Variants in MTMR1 observed in about 807,000 individuals in gnomAD.
The protein encoded by MTMR1 is myotubularin related protein 1.
MTMR1 carries 17 observed loss-of-function variants against 51.6 expected under a neutral mutation model. That is an observed-to-expected ratio of 0.33 (90% CI 0.23 to 0.49). MTMR1 has a LOEUF of 0.49. MTMR1 is among the 20% of genes least tolerant of loss of function. MTMR1 has a pLI of 0.99. For missense variants in MTMR1, 386 were observed against 526.9 expected, an observed-to-expected ratio of 0.73 and a Z score of 2.62; for synonymous variants, 201 against 205.6, an observed-to-expected ratio of 0.98 and a Z score of 0.19.
chrX:150,751,808 C>T (rs1304794073), intron 14 of MTMR1, among the ~76,000 whole-genome samples: 1 of 110,243 alleles, frequency 9.1e-6, no homozygotes, highest in Non-Finnish European at 1.9e-5. Context: ...GCCAAATACA[C>T]GGGAGCCACC....
rs782760701 is a variant in MTMR1 at position 150,748,200 on chromosome X, T to C, written c.1567-2530T>C. 7.2e-5 allele frequency among the ~76,000 whole-genome samples: 8 copies of C among 111,704 alleles called. No homozygotes were observed. In the South Asian group the frequency reaches 2.6e-3, roughly 37 times the overall value. On this transcript the variant is annotated intron_variant, in intron 13 of 15. Transcript: ENST00000445323. ...GGCCCCACTTCCTCATACTACACCT[T>C]GGGGATTAGAATTTCAACATAGAAA...
chrX:150,716,606 C>T (rs782770619), intron 3 of MTMR1, among the ~76,000 whole-genome samples: 1 of 112,106 alleles, frequency 8.9e-6, no homozygotes, highest in African/African-American at 3.2e-5. Context: ...TTTAACCATG[C>T]ATCTTTGGAT....
chrX:150,742,398 T>A (rs1176406212), intron 12 of MTMR1, among the ~76,000 whole-genome samples: 1 of 111,759 alleles, frequency 8.9e-6, no homozygotes, highest in African/African-American at 3.3e-5. Context: ...GGATATGCAG[T>A]CATCATTGAC....
intron 1 of MTMR1, among the ~76,000 whole-genome samples, chrX:150,696,658 A>G (rs782324067): frequency 9.0e-6 from 1 of 111,268 alleles, no homozygotes; most frequent in African/African-American, 3.3e-5. Context: ...AGATGGCCAC[A>G]GGCACAGTTG....
chrX:150,742,181 G>C (rs2042441599), intron 12 of MTMR1, among the ~76,000 whole-genome samples: 1 of 112,115 alleles, frequency 8.9e-6, no homozygotes, highest in African/African-American at 3.2e-5. Context: ...GGACATCATA[G>C]AATGTACCTT....
chrX:150,761,914 G>C (rs1301089523), intron 15 of MTMR1, among the ~76,000 whole-genome samples: 2 of 112,389 alleles, frequency 1.8e-5, no homozygotes, highest in African/African-American at 6.5e-5. Context: ...CTGCCCCACA[G>C]TTGATGGGTT....
rs782322905 is a variant in MTMR1, at chrX:150,736,625, G to T, written c.1111G>T (p.Ala371Ser). The T allele has an allele frequency of 8.3e-7, 1 of 1,210,207 alleles. No individual in the cohort carries two copies. Among genetic ancestry groups the T allele is most frequent in the African/African-American group, 1.7e-5 (1 of 57,794 alleles). ...GGGTGGAGGATATGAAAGTGAAAGTGCTTACCCAAATGCAGAACTTGTGTT... is the reference window on the plus strand; with the variant it reads ...GGGTGGAGGATATGAAAGTGAAAGTTCTTACCCAAATGCAGAACTTGTGTT... ...TKGGGYESES[A>S]YPNAELVFLE... is the part of the protein sequence containing the mutation. The change falls in exon 11 of 16, where the codon GCT becomes TCT. Residue 371 changes from alanine to serine, a missense_variant. By Grantham distance (99) the Ala-to-Ser change is moderately conservative. Transcript: ENST00000445323.
chrX:150,762,251 G>T (rs782125036), intron 15 of MTMR1, among the ~76,000 whole-genome samples: 1 of 112,537 alleles, frequency 8.9e-6, no homozygotes, highest in South Asian at 3.6e-4. Context: ...CGGCGCCCTC[G>T]GTTGATCCAT....
At chrX:150,698,871 C>CA (rs1243278672) in intron 1 of MTMR1, among the ~76,000 whole-genome samples, 53 of 92,357 alleles carry the variant, frequency 5.7e-4, no homozygotes, top group East Asian at 1.3e-3. Context: ...CCCCATCTCA[C>CA]AAAAAAAAAA....
chrX:150,695,827 A>T (rs781833545), intron 1 of MTMR1, among the ~76,000 whole-genome samples: 3 of 111,222 alleles, frequency 2.7e-5, no homozygotes, highest in Admixed American at 9.5e-5. Flanking sequence ...CAGAAGAATG[A>T]TGGAGGTCTG....
At chrX:150,726,730 A>G (rs1315878044) in intron 4 of MTMR1, among the ~76,000 whole-genome samples, 1 of 112,281 alleles carries the variant, frequency 8.9e-6, no homozygotes, top group Non-Finnish European at 1.9e-5. Flanking sequence ...TGATAAGGGG[A>G]TAAGGAATTT....
At chrX:150,735,258 G>A in intron 10 of MTMR1, 1 of 317,506 alleles carries the variant, frequency 3.1e-6, no homozygotes, top group Non-Finnish European at 5.4e-6. Flanking sequence ...GTTGTTTTAA[G>A]TCCCCCAGTT....
chrX:150,764,752 A>AAAAC lies in MTMR1; in HGVS notation c.*2026_*2029dup, dbSNP rs1285525988. On this transcript the variant is annotated 3_prime_UTR_variant, in exon 16 of 16. Coordinates refer to ENST00000445323, the MANE Select transcript of MTMR1 (RefSeq NM_001306144.3). ...ATGTTCCTAGCGCAGAACTGTTTCT[A>AAAAC]AAACAACTTGAAGTATAGTTTTGTT... 3.5e-5 allele frequency: 4 copies of AAAAC among 112,733 alleles called. No individual in the cohort carries two copies. Among genetic ancestry groups the AAAAC allele is most frequent in the African/African-American group, 1.3e-4 (4 of 30,980 alleles). The allele number at this position is 112,733 out of a possible 1,213,427, so 9.3% of individuals were successfully genotyped here. A position where few individuals can be genotyped will look rare whatever the true frequency, so the allele number is the denominator to read the frequency against.
At chrX:150,735,494 G>T (rs1418490901) in intron 10 of MTMR1, 1 of 501,132 alleles carries the variant, frequency 2.0e-6, no homozygotes, top group Non-Finnish European at 3.6e-6. Context: ...TAGCCTCATG[G>T]AATGAACTAG....
intron 13 of MTMR1, among the ~76,000 whole-genome samples, chrX:150,748,661 AAAAC>A (rs1557417518): frequency 1.1e-5 from 1 of 93,538 alleles, no homozygotes. Flanking sequence ...TTACAAAAAA[AAAAC>A]AAAAAACAAA....
rs372859522 is a variant in MTMR1, at chrX:150,755,851, C to T, written c.1843C>T (p.Arg615Trp). Reference sequence around the variant, plus strand: ...AAATTATTATGTACGATGGAATCCACGGATGAGACCTCAGGTATCTTTTTG... The same window carrying T: ...AAATTATTATGTACGATGGAATCCATGGATGAGACCTCAGGTATCTTTTTG... ...WVNYYVRWNP[R>W]MRPQMPIHQN... Residue 615 changes from arginine to tryptophan, a missense_variant, in exon 15 of 16, where the codon CGG becomes TGG. Transcript: ENST00000445323. The T allele has an allele frequency of 2.8e-5, 34 of 1,194,698 alleles. No homozygotes were observed. Among genetic ancestry groups the T allele is most frequent in the African/African-American group, 1.6e-4 (9 of 56,239 alleles).
Position 150,750,848 on chromosome X carries a change from G to GT in MTMR1, c.1680+6dup. Reference sequence around the variant, plus strand: ...GAACAGCAGCGATTCAAAGAGGTGAGTATGCTGCATCCTTGTCTGTTGCTT... The same window carrying GT: ...GAACAGCAGCGATTCAAAGAGGTGAGTTATGCTGCATCCTTGTCTGTTGCTT... On this transcript the variant is annotated splice_donor_region_variant and intron_variant, in intron 14 of 15. Transcript: ENST00000445323. The GT allele has an allele frequency of 8.6e-7, 1 of 1,165,903 alleles. No homozygotes were observed. The highest frequency in any genetic ancestry group is 1.2e-6 in the Non-Finnish European group (1 of 855,419).
At chrX:150,731,683 T>A in intron 9 of MTMR1, 64 bp downstream of exon 9, 1 of 984,490 alleles carries the variant, frequency 1.0e-6, no homozygotes, top group Non-Finnish European at 1.3e-6. Flanking sequence ...TATGGAGAGA[T>A]TTAAGACAAA....
chrX:150,700,519 G>A (rs1557415898), intron 2 of MTMR1, among the ~76,000 whole-genome samples: 2 of 112,492 alleles, frequency 1.8e-5, no homozygotes, highest in Non-Finnish European at 3.8e-5. Flanking sequence ...TGGTGTTCAT[G>A]TTTGCCCATA....
Sources: allele counts gnomAD v4.1 joint callset (sites outside exome capture counted in the v4.1 genomes callset), GRCh38; gene constraint gnomAD v4.1.1; transcripts MANE v1.5; gene names NCBI Gene and HGNC (gene_info 2026-07-23, HGNC 2026-07-21).